SPG11: variants seen among roughly 807,000 people sequenced by gnomAD.
The protein encoded by SPG11 is spatacsin.
In SPG11, 222 loss-of-function variants were observed where a neutral mutation model predicts 274.0. The observed-to-expected ratio is 0.81, with a 90% CI of 0.73 to 0.91. The LOEUF is 0.91. SPG11 is among the 40% of genes least tolerant of loss of function. The pLI is 0.00. For missense variants in SPG11, 3,114 were observed against 2,872.7 expected (o/e 1.08, Z -1.92); for synonymous variants, 1,144 against 1,039.7 (o/e 1.10, Z -1.93).
At chr15:44,606,444 C>T (rs17515359) in intron 19 of SPG11, among the ~76,000 whole-genome samples, 2,383 of 151,830 alleles carry the variant, frequency 0.016, 27 homozygotes, top group Non-Finnish European at 0.023. Context: ...GACTAGAAAA[C>T]GTTACCAGGT....
chr15:44,642,311 G>A (rs975876881), intron 7 of SPG11, among the ~76,000 whole-genome samples: 2 of 143,922 alleles, frequency 1.4e-5, no homozygotes, highest in African/African-American at 2.6e-5. Context: ...GTTGCAGTAA[G>A]CTGAGATAGC....
chr15:44,579,085 G>C (rs2082606342), intron 30 of SPG11, among the ~76,000 whole-genome samples: 1 of 152,078 alleles, frequency 6.6e-6, no homozygotes, highest in African/African-American at 2.4e-5. Context: ...TTGAACCTGG[G>C]AGGCCGAGGT....
rs186689451 is a variant in SPG11, at chr15:44,563,402, A to G, written c.7152-101T>C. 8.8e-5 allele frequency: 96 copies of G among 1,096,310 alleles called. No homozygotes were observed. In the African/African-American group the frequency reaches 1.4e-3, roughly 16 times the overall value. 67.9% of individuals were successfully genotyped at this position (1,096,310 alleles called of 1,614,324 possible). On this transcript the variant is annotated intron_variant, in intron 39 of 39. Coordinates refer to ENST00000261866, the MANE Select transcript of SPG11 (RefSeq NM_025137.4). ...TGCCCAGGCTGGAGTGCAGAGGAGCAGTCTTGGCTCACTGCAACCTCCACC... is the reference window on the plus strand; with the variant it reads ...TGCCCAGGCTGGAGTGCAGAGGAGCGGTCTTGGCTCACTGCAACCTCCACC...
intron 30 of SPG11, among the ~76,000 whole-genome samples, chr15:44,578,922 A>C (rs933772516): frequency 6.6e-6 from 1 of 151,972 alleles, no homozygotes; most frequent in Non-Finnish European, 1.5e-5. Flanking sequence ...TTGGGAGGCC[A>C]AGGTGGGTGG....
At chr15:44,643,040 A>G (rs2141083839) in intron 7 of SPG11, among the ~76,000 whole-genome samples, 1 of 152,282 alleles carries the variant, frequency 6.6e-6, no homozygotes, top group Non-Finnish European at 1.5e-5. Flanking sequence ...TATCACTTAA[A>G]ATATATATTA....
chr15:44,569,837 C>A lies in SPG11; in HGVS notation c.6478-332G>T, dbSNP rs898211763. 9.9e-5 allele frequency among the ~76,000 whole-genome samples: 15 copies of A among 152,156 alleles called. 1 individual carries two copies. Among genetic ancestry groups the A allele is most frequent in the Admixed American group, 7.9e-4 (12 of 15,266 alleles). On this transcript the variant is annotated intron_variant, in intron 34 of 39. Transcript: ENST00000261866. ...GTTCAAGCAATTCTCCTGCCTCAGC[C>A]TCCCAAGTAGCTGGGATTATAGGCA...
intron 14 of SPG11, chr15:44,620,990 C>A: frequency 6.5e-6 from 1 of 154,278 alleles, no homozygotes; most frequent in South Asian, 2.0e-4. Flanking sequence ...CACGCCCGTC[C>A]ACCCAGGTAT....
At chr15:44,577,918 C>T (rs2082574559) in intron 30 of SPG11, among the ~76,000 whole-genome samples, 1 of 151,918 alleles carries the variant, frequency 6.6e-6, no homozygotes, top group East Asian at 1.9e-4. Context: ...AATTCCTGTT[C>T]TTCCTTGTCC....
chr15:44,597,094 T>C, intron 23 of SPG11, 151 bp from the exon 24 acceptor site: 1 of 736,542 alleles, frequency 1.4e-6, no homozygotes, highest in Non-Finnish European at 2.2e-6. Flanking sequence ...TTAGGCTACT[T>C]TGAAAAAAGT....
rs754105804 is a variant in SPG11 at position 44,596,148 on chromosome 15, A to G, written c.4369T>C (p.Trp1457Arg). ...TGTTTCACTGCTTCAACCAGAAGCC[A>G]GTGCCAGGAGTCTGGCTCCTCTGAG... ...QCSEEPDSWH[W>R]LLVEAVKQQA... Residue 1457 changes from tryptophan (W) to arginine (R), a missense_variant, in exon 25 of 40, where the codon TGG becomes CGG. By Grantham distance (101) the Trp-to-Arg change is moderately radical (BLOSUM62 -3). Transcript: ENST00000261866. The G allele has an allele frequency of 1.2e-6, 2 of 1,614,178 alleles. No homozygotes were observed. The highest frequency in any genetic ancestry group is 1.1e-5 in the South Asian group (1 of 91,082).
chr15:44,642,408 GA>G (rs927318222), intron 7 of SPG11, among the ~76,000 whole-genome samples: 120 of 132,682 alleles, frequency 9.0e-4, no homozygotes, highest in South Asian at 7.5e-3. Flanking sequence ...GGAAAGAAAA[GA>G]AAAAAAAATA....
chr15:44,610,772 G>T, intron 18 of SPG11, 68 bp downstream of exon 18: 1 of 1,366,824 alleles, frequency 7.3e-7, no homozygotes, highest in African/African-American at 1.4e-5. Context: ...CTGAGATCTA[G>T]ACAATCCATA....
chr15:44,614,311 G>A (rs1056171729), intron 16 of SPG11, among the ~76,000 whole-genome samples: 11 of 151,942 alleles, frequency 7.2e-5, no homozygotes, highest in African/African-American at 2.7e-4. Flanking sequence ...CTGCAGCCTG[G>A]ACCTCCTAGG....
At chr15:44,621,201 G>A (rs1442778294) in intron 14 of SPG11, 2 of 153,254 alleles carry the variant, frequency 1.3e-5, no homozygotes, top group Non-Finnish European at 2.9e-5. Context: ...TAATTACTCT[G>A]GTGGTTAAAA....
chr15:44,578,028 T>C (rs1161304373), intron 30 of SPG11, among the ~76,000 whole-genome samples: 1 of 143,980 alleles, frequency 6.9e-6, no homozygotes, highest in Admixed American at 6.9e-5. Context: ...CCTTTTTTTT[T>C]TTTTTTTTTT....
chr15:44,632,009 A>G (rs761980534), intron 8 of SPG11, among the ~76,000 whole-genome samples: 1 of 151,424 alleles, frequency 6.6e-6, no homozygotes, highest in Non-Finnish European at 1.5e-5. Context: ...AGGTTTCACT[A>G]TGTTACCCAG....
intron 11 of SPG11, 64 bp from the exon 12 acceptor site, chr15:44,622,863 T>C: frequency 8.4e-7 from 1 of 1,185,242 alleles, no homozygotes; most frequent in African/African-American, 1.5e-5. Flanking sequence ...TGAACATAAA[T>C]ATGTGTTAGA....
At chr15:44,597,643 G>A (rs2083079425) in intron 23 of SPG11, among the ~76,000 whole-genome samples, 1 of 152,074 alleles carries the variant, frequency 6.6e-6, no homozygotes, top group Admixed American at 6.6e-5. Flanking sequence ...CCTCACCAGG[G>A]GTAGGGTACA....
In SPG11 at chr15:44,563,288, G is replaced by A. The variant is rs2140908255; in HGVS notation, c.7165C>T (p.Gln2389Ter). 1 of 1,613,312 alleles carries A rather than the reference G, an allele frequency of 6.2e-7. No individual in the cohort carries two copies. Among genetic ancestry groups the A allele is most frequent in the Middle Eastern group, 1.7e-4 (1 of 5,972 alleles). ...TTTTCCATGACCATGTCAGTAGGCT[G>A]ATGTTGTTTATATCTAGATAAAGAA... ...EEISKKYKQH[Q>*]PTDMVMENLK... The change falls in exon 40 of 40, where the codon CAG becomes TAG. Residue 2389 changes from glutamine (Q) to a stop codon, truncating the protein, a stop_gained. Coordinates refer to ENST00000261866, the MANE Select transcript of SPG11 (RefSeq NM_025137.4). LOFTEE classifies it high-confidence loss of function.
Sources: gnomAD v4.1 joint callset for allele counts (sites outside exome capture counted in the v4.1 genomes callset) on GRCh38, gnomAD v4.1.1 for gene constraint, MANE v1.5 for transcripts, NCBI Gene and HGNC (gene_info 2026-07-23, HGNC 2026-07-21) for gene names.